The following KSR2 variants were observed in gnomAD, a reference collection of about 807,000 sequenced individuals.
KSR2 encodes kinase suppressor of ras 2.
A neutral mutation model predicts 107.8 loss-of-function variants in KSR2; 25 were observed. That is an observed-to-expected ratio of 0.23 (90% CI 0.17 to 0.32). The LOEUF is 0.32. Among genes scored for constraint, KSR2 ranks in the 10% least tolerant of loss-of-function variants. KSR2 has a pLI of 1.00. For missense variants in KSR2, 887 were observed against 1,268.9 expected (o/e 0.70, Z 4.57); for synonymous variants, 480 against 507.0 (o/e 0.95, Z 0.71).
At chr12:117,845,088 T>G (rs2971439) in intron 3 of KSR2, among the ~76,000 whole-genome samples, 127,034 of 152,218 alleles carry the variant, frequency 0.83, 53,641 homozygotes, top group African/African-American at 0.95. Context: ...GGAGCGTGCA[T>G]TGAGCCAAGA....
intron 3 of KSR2, among the ~76,000 whole-genome samples, chr12:117,774,558 T>C (rs977747350): frequency 6.6e-6 from 1 of 152,180 alleles, no homozygotes; most frequent in Non-Finnish European, 1.5e-5. Flanking sequence ...TCCTGCTCTA[T>C]GAGATTCATG....
intron 1 of KSR2, among the ~76,000 whole-genome samples, chr12:117,902,740 T>C (rs1837132359): frequency 1.3e-5 from 2 of 150,724 alleles, no homozygotes. Context: ...ACTTAAAGTA[T>C]AAAAAAAAAG....
intron 4 of KSR2, among the ~76,000 whole-genome samples, chr12:117,742,352 A>T (rs572261256): frequency 1.3e-5 from 2 of 152,206 alleles, no homozygotes; most frequent in Non-Finnish European, 2.9e-5. Context: ...TATTTTCATC[A>T]ATGTGAATGT....
At chr12:117,734,509 T>C (rs1473986553) in intron 4 of KSR2, among the ~76,000 whole-genome samples, 3 of 152,142 alleles carry the variant, frequency 2.0e-5, no homozygotes. Flanking sequence ...TCCAAGACTA[T>C]TCCAAGTTAC....
At position 117,765,383 on chromosome 12, in the gene KSR2, C is replaced by T. The variant is rs75824498; in HGVS notation, c.473-3859G>A. Among the ~76,000 whole-genome samples the T allele has an allele frequency of 4.0e-3, 606 of 152,190 alleles. 6 individuals carry two copies. Among genetic ancestry groups the T allele is most frequent in the African/African-American group, 0.014 (567 of 41,540 alleles). On this transcript the variant is annotated intron_variant, in intron 3 of 19. Transcript: ENST00000339824. ...TATGGGATTGGGAACCAGAAGAACC[C>T]AATAGAATTCTGGTTAAACCACTGA...
At chr12:117,550,169 G>A (rs1387629423) in intron 9 of KSR2, among the ~76,000 whole-genome samples, 3 of 152,224 alleles carry the variant, frequency 2.0e-5, no homozygotes, top group Non-Finnish European at 4.4e-5. Flanking sequence ...GGGATGCTGA[G>A]ACTGTAAGGT....
chr12:117,694,369 C>CCTA (rs975039291), intron 4 of KSR2, among the ~76,000 whole-genome samples: 18 of 152,168 alleles, frequency 1.2e-4, no homozygotes. Context: ...CTCTCTCTTG[C>CCTA]CTGCCACCAT....
intron 1 of KSR2, among the ~76,000 whole-genome samples, chr12:117,872,864 A>G (rs139377129): frequency 1.7e-3 from 258 of 152,300 alleles, no homozygotes; most frequent in African/African-American, 5.8e-3. Context: ...GCTCATTTGT[A>G]CAATAGGCTC....
intron 3 of KSR2, among the ~76,000 whole-genome samples, chr12:117,800,163 C>T (rs1477312311): frequency 6.6e-6 from 1 of 152,192 alleles, no homozygotes; most frequent in East Asian, 1.9e-4. Flanking sequence ...CTACAGCTCA[C>T]CTCTGGGCAG....
At chr12:117,693,978 G>T (rs1885941120) in intron 4 of KSR2, among the ~76,000 whole-genome samples, 1 of 152,192 alleles carries the variant, frequency 6.6e-6, no homozygotes, top group Non-Finnish European at 1.5e-5. Context: ...AACACTGATT[G>T]AAGGGTCATC....
intron 4 of KSR2, among the ~76,000 whole-genome samples, chr12:117,709,459 G>A (rs930802659): frequency 6.6e-6 from 1 of 152,100 alleles, no homozygotes; most frequent in South Asian, 2.1e-4. Flanking sequence ...GAGTAGCTGG[G>A]TCTATGGGCA....
chr12:117,949,816 C>CATATTT (rs1896307584), intron 1 of KSR2, among the ~76,000 whole-genome samples: 1 of 152,072 alleles, frequency 6.6e-6, no homozygotes, highest in African/African-American at 2.4e-5. Flanking sequence ...GTTTAGGTTA[C>CATATTT]AGTGGTGTAT....
intron 3 of KSR2, among the ~76,000 whole-genome samples, chr12:117,771,811 C>G (rs1250530326): frequency 6.6e-6 from 1 of 152,096 alleles, no homozygotes; most frequent in Non-Finnish European, 1.5e-5. Context: ...TGGGACCCAC[C>G]CCTCCCCGTA....
At chr12:117,668,142 C>T (rs1324249626) in intron 4 of KSR2, among the ~76,000 whole-genome samples, 2 of 152,222 alleles carry the variant, frequency 1.3e-5, no homozygotes, top group Admixed American at 6.5e-5. Context: ...AATCCACTGC[C>T]CTTCCTCCAT....
At chr12:117,516,146 C>T (rs955132740) in intron 14 of KSR2, among the ~76,000 whole-genome samples, 5 of 152,180 alleles carry the variant, frequency 3.3e-5, no homozygotes, top group Admixed American at 6.5e-5. Flanking sequence ...CATCCTCAGG[C>T]AACCCTCCTC....
At chr12:117,860,510 A>C in intron 1 of KSR2, 79 bp from the exon 2 acceptor site, 1 of 1,384,234 alleles carries the variant, frequency 7.2e-7, no homozygotes, top group Non-Finnish European at 9.7e-7. Flanking sequence ...CCCCCTACGA[A>C]CCCCCACCCT....
chr12:117,654,187 T>C (rs1884025264), intron 5 of KSR2, among the ~76,000 whole-genome samples: 1 of 152,206 alleles, frequency 6.6e-6, no homozygotes, highest in Non-Finnish European at 1.5e-5. Flanking sequence ...AACTGGGTGC[T>C]TTCTGACCCA....
chr12:117,687,519 C>T (rs1036746601), intron 4 of KSR2, among the ~76,000 whole-genome samples: 1 of 152,100 alleles, frequency 6.6e-6, no homozygotes, highest in Admixed American at 6.5e-5. Flanking sequence ...AGGGTGGGCT[C>T]GCTGCAAATT....
chr12:117,711,911 C>T (rs974263895), intron 4 of KSR2, among the ~76,000 whole-genome samples: 5 of 152,146 alleles, frequency 3.3e-5, no homozygotes, highest in South Asian at 2.1e-4. Flanking sequence ...AGGGAGACAC[C>T]GCTGAGCCAT....
Sources: gnomAD v4.1 joint callset for allele counts (sites outside exome capture counted in the v4.1 genomes callset) on GRCh38, gnomAD v4.1.1 for gene constraint, MANE v1.5 for transcripts, NCBI Gene and HGNC (gene_info 2026-07-23, HGNC 2026-07-21) for gene names.